The following MPHOSPH10 variants were observed in gnomAD, a reference collection of about 807,000 sequenced individuals.
The protein encoded by MPHOSPH10 is U3 small nucleolar ribonucleoprotein MPP10.
In MPHOSPH10, 33 loss-of-function variants were observed where a neutral mutation model predicts 77.3. The ratio of observed to expected loss-of-function variants is 0.43; its 90% CI spans 0.32 to 0.57. The LOEUF is 0.57. MPHOSPH10 is among the 20% of genes least tolerant of loss of function. The probability of loss-of-function intolerance (pLI) is 0.07; values close to 1 mark genes in which losing one functional copy is unlikely to be tolerated. For synonymous variants in MPHOSPH10, 245 were observed against 268.0 expected (o/e 0.91, Z 0.84); for missense variants, 708 against 780.1 (o/e 0.91, Z 1.10).
intron 4 of MPHOSPH10, 49 bp from the exon 5 acceptor site, chr2:71,138,441 T>C (rs763564970): frequency 1.4e-5 from 19 of 1,392,444 alleles, no homozygotes; most frequent in Admixed American, 1.0e-4. Context: ...TACACAAATA[T>C]AAGATTTTAT....
intron 3 of MPHOSPH10, 54 bp from the exon 4 acceptor site, chr2:71,134,572 G>GT: frequency 4.0e-6 from 6 of 1,504,694 alleles, no homozygotes; most frequent in Non-Finnish European, 5.4e-6. Context: ...GTTTCCTTTT[G>GT]TTTTTCTAAT....
rs927305629 is a variant in MPHOSPH10 at position 71,144,271 on chromosome 2, C to T, written c.1447-157C>T. 1.9e-5 allele frequency: 11 copies of T among 590,598 alleles called. No individual in the cohort carries two copies. In the Admixed American group the frequency reaches 3.4e-4, roughly 18 times the overall value. 36.6% of individuals were successfully genotyped at this position (590,598 alleles called of 1,614,324 possible). On this transcript the variant is annotated intron_variant, in intron 7 of 10. Coordinates refer to ENST00000244230, the MANE Select transcript of MPHOSPH10 (RefSeq NM_005791.3). ...CATCTCTGGTAGGTGCTGGAACCCTCATGGTACTGCTGCTTTTAATTTTGC... is the reference window on the plus strand; with the variant it reads ...CATCTCTGGTAGGTGCTGGAACCCTTATGGTACTGCTGCTTTTAATTTTGC...
rs1389956343 is a variant in MPHOSPH10 at position 71,134,091 on chromosome 2, A to G, written c.912A>G (p.Leu304=). 1 of 1,605,474 alleles carries G rather than the reference A, an allele frequency of 6.2e-7. No individual in the cohort carries two copies. The change falls in exon 3 of 11, where the codon CTA becomes CTG. Residue 304 remains leucine (L), a synonymous_variant. Coordinates refer to ENST00000244230, the MANE Select transcript of MPHOSPH10 (RefSeq NM_005791.3). ...DEIAEEEAEE[L]SISETDEDDD... The stretch of plus-strand genomic sequence containing the variant: ...TTGCTGAAGAAGAAGCAGAAGAACT[A>G]AGTATTTCGGAAACGTGAGTATTTT...
chr2:71,144,599 T>G (rs1673674206), intron 8 of MPHOSPH10, 61 bp downstream of exon 8: 1 of 1,180,460 alleles, frequency 8.5e-7, no homozygotes, highest in Admixed American at 2.0e-5. Flanking sequence ...GCTTTGATCC[T>G]TTGTGAGACT....
intron 3 of MPHOSPH10, 98 bp downstream of exon 3, chr2:71,134,203 A>G (rs1355802614): frequency 3.5e-6 from 4 of 1,139,898 alleles, no homozygotes; most frequent in Non-Finnish European, 4.9e-6. Flanking sequence ...AGCAAGTTCT[A>G]TTCTCTAATA....
Position 71,144,463 on chromosome 2 carries a change from A to G in MPHOSPH10, c.1482A>G (p.Val494=). ...KTAEEENPEH[V]EIQKMMDSLF... ...CAGAAGAAGAAAATCCAGAACATGT[A>G]GAAATTCAGAAGATGATGGATTCCC... Residue 494 remains valine, a synonymous_variant, in exon 8 of 11, where the codon GTA becomes GTG. Coordinates refer to ENST00000244230, the MANE Select transcript of MPHOSPH10 (RefSeq NM_005791.3). 1 of 1,614,144 alleles carries G rather than the reference A, an allele frequency of 6.2e-7. No homozygotes were observed. The highest frequency in any genetic ancestry group is 8.5e-7 in the Non-Finnish European group (1 of 1,180,016).
chr2:71,148,119 T>A lies in MPHOSPH10; in HGVS notation c.1665+13T>A. ...AGAGGAGATCAAGGTAAGAAGCCAATGTTGAAACCTTAAATGTCTGTTACA... is the reference window on the plus strand; with the variant it reads ...AGAGGAGATCAAGGTAAGAAGCCAAAGTTGAAACCTTAAATGTCTGTTACA... On this transcript the variant is annotated intron_variant, in intron 9 of 10. Coordinates refer to ENST00000244230, the MANE Select transcript of MPHOSPH10 (RefSeq NM_005791.3). 1 of 1,592,652 alleles carries A rather than the reference T, an allele frequency of 6.3e-7. No individual in the cohort carries two copies. The highest frequency in any genetic ancestry group is 1.1e-5 in the South Asian group (1 of 90,674).
intron 5 of MPHOSPH10, chr2:71,139,368 T>A (rs1031114353): frequency 6.4e-6 from 1 of 157,110 alleles, no homozygotes; most frequent in African/African-American, 2.4e-5. Flanking sequence ...AGTAATCTGT[T>A]TTGAAGGCTT....
intron 3 of MPHOSPH10, 142 bp from the exon 4 acceptor site, chr2:71,134,484 T>C: frequency 1.4e-6 from 1 of 723,248 alleles, no homozygotes; most frequent in Non-Finnish European, 2.2e-6. Context: ...TGTTCCTTAA[T>C]AACTGAATGA....
rs12617683 is a variant in MPHOSPH10 at position 71,138,409 on chromosome 2, T to C, written c.1099-81T>C. 1.9e-3 allele frequency: 2,253 copies of C among 1,164,920 alleles called. 28 individuals are homozygous for C. The highest frequency in any genetic ancestry group is 0.014 in the East Asian group (513 of 37,808). The allele number at this position is 1,164,920 out of a possible 1,614,324, so 72.2% of individuals were successfully genotyped here. ...AACAGTACGTTTCTTGCTTTCCCAC[T>C]TTTTAAATTATTTTTTGCTTTTACA... On this transcript the variant is annotated intron_variant, in intron 4 of 10. Coordinates refer to ENST00000244230, the MANE Select transcript of MPHOSPH10 (RefSeq NM_005791.3).
In MPHOSPH10 at chr2:71,149,414, A is replaced by G. The variant is rs1233907015; in HGVS notation, c.1857A>G (p.Leu619=). The change falls in exon 10 of 11, where the codon TTA becomes TTG. Residue 619 remains leucine (L), a synonymous_variant. Transcript: ENST00000244230. ...KYSKTVASEK[L]KQLTKTGKAS... ...GCAAAACAGTAGCTTCGGAGAAGTT[A>G]AAACAGCTGACCAAAACTGGCAAAG... 1 of 1,614,140 alleles carries G rather than the reference A, an allele frequency of 6.2e-7. No individual in the cohort carries two copies. Among genetic ancestry groups the G allele is most frequent in the Admixed American group, 1.7e-5 (1 of 60,014 alleles).
intron 10 of MPHOSPH10, 124 bp downstream of exon 10, chr2:71,149,577 C>A: frequency 1.1e-6 from 1 of 923,750 alleles, no homozygotes; most frequent in Non-Finnish European, 1.6e-6. Flanking sequence ...ATGCATGATG[C>A]TGACTGGCTG....
chr2:71,138,441 TAA>T (rs1558754344), intron 4 of MPHOSPH10, 47 bp from the exon 5 acceptor site: 1 of 1,392,562 alleles, frequency 7.2e-7, no homozygotes, highest in Non-Finnish European at 9.6e-7. Context: ...TACACAAATA[TAA>T]GATTTTATTT....
At chr2:71,141,753 G>T (rs1340162824) in intron 7 of MPHOSPH10, among the ~76,000 whole-genome samples, 1 of 152,088 alleles carries the variant, frequency 6.6e-6, no homozygotes, top group Non-Finnish European at 1.5e-5. Context: ...CTCTGGGCTG[G>T]GTATGGTGGC....
chr2:71,132,830 T>A (rs1673413648), intron 1 of MPHOSPH10, 68 bp from the exon 2 acceptor site: 8 of 1,488,450 alleles, frequency 5.4e-6, no homozygotes, highest in East Asian at 4.5e-5. Context: ...GGGTTTTTTT[T>A]ATTTTTATTA....
In MPHOSPH10 at chr2:71,150,015, A is replaced by C; in HGVS notation, c.2046A>C (p.Ter682TyrextTer7). 7.9e-7 allele frequency: 1 copy of C among 1,258,874 alleles called. No individual in the cohort carries two copies. The highest frequency in any genetic ancestry group is 1.5e-5 in the South Asian group (1 of 67,586). The allele number at this position is 1,258,874 out of a possible 1,614,324, so 78.0% of individuals were successfully genotyped here. ...TTTCTGTTCATAAATTAAAGCTGTA[A>C]TATATTTTGAATATAATGTAAATAT... ...QDISVHKLKL[*>Y] Residue 682 changes from the stop codon to tyrosine (Y), a stop_lost, in exon 11 of 11, where the codon TAA (stop) becomes TAC (tyrosine). Coordinates refer to ENST00000244230, the MANE Select transcript of MPHOSPH10 (RefSeq NM_005791.3).
chr2:71,133,292 A>G lies in MPHOSPH10; in HGVS notation c.484A>G (p.Lys162Glu). The G allele has an allele frequency of 6.2e-7, 1 of 1,614,182 alleles. No individual in the cohort carries two copies. Among genetic ancestry groups the G allele is most frequent in the Non-Finnish European group, 8.5e-7 (1 of 1,180,026 alleles). The change falls in exon 2 of 11, where the codon AAA (lysine) becomes GAA (glutamate). Residue 162 changes from lysine (K) to glutamate (E), a missense_variant. Physicochemically the swap from Lys to Glu is moderately conservative, Grantham distance 56. Transcript: ENST00000244230. ...AAACTCAAGCAAATCTGATCTGAGGAAAAGCCCCGTTTTCAGTGATGAGGA... is the reference window on the plus strand; with the variant it reads ...AAACTCAAGCAAATCTGATCTGAGGGAAAGCCCCGTTTTCAGTGATGAGGA... ...AENSSKSDLR[K>E]SPVFSDEDSD...
chr2:71,144,622 T>G, intron 8 of MPHOSPH10, 84 bp downstream of exon 8: 2 of 1,025,486 alleles, frequency 2.0e-6, no homozygotes, highest in South Asian at 1.5e-5. Context: ...CTCTTTATTT[T>G]GTTTCAGGAT....
At chr2:71,145,523 A>G (rs1572901222) in intron 8 of MPHOSPH10, among the ~76,000 whole-genome samples, 2 of 137,264 alleles carry the variant, frequency 1.5e-5, no homozygotes, top group Admixed American at 1.5e-4. Flanking sequence ...TTTTTTTGGT[A>G]TATATGTATG....
Sources: gnomAD v4.1 joint callset for allele counts (sites outside exome capture counted in the v4.1 genomes callset) on GRCh38, gnomAD v4.1.1 for gene constraint, MANE v1.5 for transcripts, NCBI Gene and HGNC (gene_info 2026-07-23, HGNC 2026-07-21) for gene names.